Variants in BACE2 observed in about 807,000 individuals in gnomAD.
The protein encoded by BACE2 is 56 kDa aspartic-like protease.
In BACE2, 17 loss-of-function variants were observed where a neutral mutation model predicts 46.2. The ratio of observed to expected loss-of-function variants is 0.37; its 90% CI spans 0.25 to 0.55. The LOEUF (loss-of-function observed/expected upper bound fraction) is 0.55. Among genes scored for constraint, BACE2 ranks in the 20% least tolerant of loss-of-function variants. BACE2 has a pLI of 0.82. For missense variants in BACE2, 595 were observed against 698.1 expected (o/e 0.85, Z 1.66); for synonymous variants, 277 against 295.9 (o/e 0.94, Z 0.66).
At chr21:41,269,273 C>T (rs971839708) in intron 8 of BACE2, among the ~76,000 whole-genome samples, 2 of 152,176 alleles carry the variant, frequency 1.3e-5, no homozygotes, top group Non-Finnish European at 2.9e-5. Context: ...CTTTTCTAAT[C>T]TCAATGAGAT....
At chr21:41,179,132 G>T in intron 1 of BACE2, 1 of 1,222,798 alleles carries the variant, frequency 8.2e-7, no homozygotes, top group Non-Finnish European at 1.1e-6. Context: ...GAGTGAGGGT[G>T]TCAGGGTGAG....
At chr21:41,179,598 T>G (rs757397275) in intron 1 of BACE2, 1 of 1,350,060 alleles carries the variant, frequency 7.4e-7, no homozygotes, top group Admixed American at 1.9e-5. Flanking sequence ...AGGAGGTGTT[T>G]GCAGTGCTTC....
At chr21:41,232,567 C>T (rs538042884) in intron 2 of BACE2, among the ~76,000 whole-genome samples, 1 of 152,164 alleles carries the variant, frequency 6.6e-6, no homozygotes, top group Non-Finnish European at 1.5e-5. Flanking sequence ...GCTTGTTGCT[C>T]TCATCAAGGT....
chr21:41,173,545 G>A (rs1022090634), intron 1 of BACE2, among the ~76,000 whole-genome samples: 1 of 152,046 alleles, frequency 6.6e-6, no homozygotes, highest in Admixed American at 6.6e-5. Flanking sequence ...AGTTTGACCT[G>A]ACCCAGCCTG....
At chr21:41,203,723 G>A (rs867308058) in intron 1 of BACE2, among the ~76,000 whole-genome samples, 68 of 152,160 alleles carry the variant, frequency 4.5e-4, no homozygotes, top group African/African-American at 1.4e-3. Context: ...CAGCACAGGC[G>A]CTGGGACACC....
chr21:41,186,440 G>C (rs1299344741), intron 1 of BACE2: 1 of 152,344 alleles, frequency 6.6e-6, no homozygotes, highest in Non-Finnish European at 1.5e-5. Flanking sequence ...CAGTGTTACA[G>C]ATCTTACATC....
chr21:41,264,572 CA>C (rs1336349545), intron 8 of BACE2, among the ~76,000 whole-genome samples: 1 of 152,072 alleles, frequency 6.6e-6, no homozygotes, highest in Non-Finnish European at 1.5e-5. Context: ...GCACAGTCTT[CA>C]CGTGGCCAGA....
chr21:41,244,509 A>G (rs1436742367), intron 5 of BACE2, among the ~76,000 whole-genome samples: 1 of 152,066 alleles, frequency 6.6e-6, no homozygotes, highest in Non-Finnish European at 1.5e-5. Context: ...AGGATGAGCC[A>G]GAAGGAATTT....
intron 3 of BACE2, among the ~76,000 whole-genome samples, chr21:41,238,409 G>A (rs2123596211): frequency 6.6e-6 from 1 of 152,386 alleles, no homozygotes; most frequent in Non-Finnish European, 1.5e-5. Flanking sequence ...GAGGAGGGAG[G>A]CAGGCAGGGG....
At chr21:41,239,897 A>G (rs2837980) in intron 3 of BACE2, among the ~76,000 whole-genome samples, 3,961 of 152,310 alleles carry the variant, frequency 0.026, 161 homozygotes, top group African/African-American at 0.089. Flanking sequence ...GATGTATATG[A>G]CTGGTTTTAT....
At chr21:41,256,388 G>T (rs1327645608) in intron 7 of BACE2, among the ~76,000 whole-genome samples, 2 of 152,238 alleles carry the variant, frequency 1.3e-5, no homozygotes, top group East Asian at 3.9e-4. Flanking sequence ...ATGGTTTTCA[G>T]CTTTATCCAT....
chr21:41,241,770 C>G, intron 3 of BACE2, 49 bp from the exon 4 acceptor site: 1 of 1,609,662 alleles, frequency 6.2e-7, no homozygotes, highest in Non-Finnish European at 8.5e-7. Flanking sequence ...TGACCCATGT[C>G]TACACTGTGA....
At chr21:41,273,287 C>T (rs2088452172) in intron 8 of BACE2, among the ~76,000 whole-genome samples, 1 of 152,222 alleles carries the variant, frequency 6.6e-6, no homozygotes, top group South Asian at 2.1e-4. Context: ...GAGCAGACAA[C>T]TGGTCTGACC....
rs1398113676 is a variant in BACE2, at chr21:41,276,863, T to A, written c.*1239T>A. ...TTCAGCAGTTGACCTCTGTGCTTCT[T>A]CCTTTGGGGGTGTTTAATCTTTGGT... On this transcript the variant is annotated 3_prime_UTR_variant, in exon 9 of 9. Transcript: ENST00000330333. The A allele has an allele frequency of 6.6e-6, 1 of 152,272 alleles. No homozygotes were observed. The highest frequency in any genetic ancestry group is 1.5e-5 in the Non-Finnish European group (1 of 68,082). 9.4% of individuals were successfully genotyped at this position (152,272 alleles called of 1,614,324 possible).
chr21:41,192,468 T>G (rs1985607210), intron 1 of BACE2, among the ~76,000 whole-genome samples: 1 of 152,212 alleles, frequency 6.6e-6, no homozygotes, highest in Non-Finnish European at 1.5e-5. Flanking sequence ...TTCATGATAG[T>G]TCAGGTCGCA....
At chr21:41,208,940 G>A (rs1020537814) in intron 1 of BACE2, among the ~76,000 whole-genome samples, 10 of 152,134 alleles carry the variant, frequency 6.6e-5, no homozygotes, top group South Asian at 2.1e-4. Context: ...TAAAAAGCAG[G>A]CATCCTCACC....
At chr21:41,206,197 A>T (rs1401251874) in intron 1 of BACE2, among the ~76,000 whole-genome samples, 1 of 152,232 alleles carries the variant, frequency 6.6e-6, no homozygotes, top group Non-Finnish European at 1.5e-5. Context: ...CAGCATGGTC[A>T]GGGTCCAACG....
rs531013310 is a variant in BACE2, at chr21:41,244,308, T to G, written c.882+798T>G. 3.3e-5 allele frequency among the ~76,000 whole-genome samples: 5 copies of G among 152,190 alleles called. No individual in the cohort carries two copies. In the South Asian group the frequency reaches 8.3e-4, roughly 25 times the overall value. ...AGGAGACCACAAAACAGGCTTTGTT[T>G]GAGCAACAAGGTTTTTATTTCACCT... is the stretch of plus-strand genomic sequence containing the variant. On this transcript the variant is annotated intron_variant, in intron 5 of 8. Coordinates refer to ENST00000330333, the MANE Select transcript of BACE2 (RefSeq NM_012105.5).
intron 1 of BACE2, among the ~76,000 whole-genome samples, chr21:41,222,864 G>GC (rs1986699124): frequency 6.6e-6 from 1 of 152,044 alleles, no homozygotes; most frequent in Non-Finnish European, 1.5e-5. Flanking sequence ...GGGGAAGGAA[G>GC]CCCTAGGGAT....
Sources: gnomAD v4.1 joint callset for allele counts (sites outside exome capture counted in the v4.1 genomes callset) on GRCh38, gnomAD v4.1.1 for gene constraint, MANE v1.5 for transcripts, NCBI Gene and HGNC (gene_info 2026-07-23, HGNC 2026-07-21) for gene names.